Variants in CSMD1 observed in about 807,000 individuals in gnomAD.
The protein encoded by CSMD1 is CUB and sushi domain-containing protein 1.
Under a neutral mutation model 417.5 loss-of-function variants are expected in CSMD1, and 213 were observed. The observed-to-expected ratio is 0.51, with a 90% CI of 0.46 to 0.57. The LOEUF is 0.57. Among genes scored for constraint, CSMD1 ranks in the 20% least tolerant of loss-of-function variants. The probability of loss-of-function intolerance (pLI) is 0.00; values close to 1 mark genes in which losing one functional copy is unlikely to be tolerated. For synonymous variants in CSMD1, 2,862 were observed against 1,736.8 expected (o/e 1.65, Z -16.11); for missense variants, 6,923 against 4,529.7 (o/e 1.53, Z -15.17).
chr8:4,306,958 G>C (rs1328011981), intron 3 of CSMD1, among the ~76,000 whole-genome samples: 2 of 152,050 alleles, frequency 1.3e-5, no homozygotes, highest in Non-Finnish European at 2.9e-5. Flanking sequence ...CTACCCCCAA[G>C]CATCTCTCAG....
chr8:3,727,872 A>C (rs142201747), intron 6 of CSMD1, among the ~76,000 whole-genome samples: 32 of 152,304 alleles, frequency 2.1e-4, no homozygotes, highest in African/African-American at 6.0e-4. Flanking sequence ...AAAAGGACAA[A>C]TACTGTATGA....
Position 4,176,976 on chromosome 8 carries a change from A to T in CSMD1, c.416-144877T>A, listed in dbSNP as rs370011564. 2.1e-3 allele frequency among the ~76,000 whole-genome samples: 320 copies of T among 151,830 alleles called. 1 individual carries two copies. The highest frequency in any genetic ancestry group is 3.3e-3 in the Non-Finnish European group (224 of 67,948). On this transcript the variant is annotated intron_variant, in intron 3 of 69. Coordinates refer to ENST00000635120, the MANE Select transcript of CSMD1 (RefSeq NM_033225.6). Reference sequence around the variant, plus strand: ...AGAGACTTAGACTCCCACACAATAAAAATGGGAGACTTTAACACCCCACTG... The same window carrying T: ...AGAGACTTAGACTCCCACACAATAATAATGGGAGACTTTAACACCCCACTG...
At chr8:3,513,457 C>G (rs577611438) in intron 10 of CSMD1, among the ~76,000 whole-genome samples, 2 of 152,066 alleles carry the variant, frequency 1.3e-5, no homozygotes, top group South Asian at 4.2e-4. Context: ...TCCTGAATAG[C>G]TGGGATTACA....
At chr8:4,991,905 A>T (rs971167483) in intron 1 of CSMD1, among the ~76,000 whole-genome samples, 46 of 152,086 alleles carry the variant, frequency 3.0e-4, no homozygotes, top group African/African-American at 1.1e-3. Flanking sequence ...GGGTTAATGA[A>T]GGAGCTCCAC....
At chr8:3,061,252 C>T (rs977644295) in intron 49 of CSMD1, among the ~76,000 whole-genome samples, 3 of 152,054 alleles carry the variant, frequency 2.0e-5, no homozygotes, top group Non-Finnish European at 4.4e-5. Context: ...GTACAGTTTA[C>T]AAAGCAAAAC....
At chr8:3,511,792 C>G (rs1243094684) in intron 10 of CSMD1, among the ~76,000 whole-genome samples, 2 of 149,996 alleles carry the variant, frequency 1.3e-5, no homozygotes, top group African/African-American at 4.9e-5. Flanking sequence ...CATAACATAA[C>G]ATAACATAAC....
intron 5 of CSMD1, among the ~76,000 whole-genome samples, chr8:3,922,688 T>G (rs914251339): frequency 1.3e-5 from 2 of 152,200 alleles, no homozygotes; most frequent in Non-Finnish European, 2.9e-5. Flanking sequence ...CAAATCTGTA[T>G]TTTATGTTGT....
chr8:3,913,847 A>T (rs889087075), intron 5 of CSMD1, among the ~76,000 whole-genome samples: 2 of 152,076 alleles, frequency 1.3e-5, no homozygotes, highest in African/African-American at 4.8e-5. Context: ...AATCACCTTG[A>T]CTTTCCTGTG....
intron 5 of CSMD1, among the ~76,000 whole-genome samples, chr8:3,966,491 G>C (rs969250363): frequency 6.6e-6 from 1 of 151,814 alleles, no homozygotes; most frequent in African/African-American, 2.4e-5. Flanking sequence ...TTTATTTATT[G>C]GGAGAAACAG....
rs1585118642 is a variant in CSMD1 at position 3,408,151 on chromosome 8, T to A, written c.1819A>T (p.Asn607Tyr). ...SPNYPEEYGN[N>Y]MNCVWLIISE... ...ATAATCAACCAGACACAGTTCATGT[T>A]GTTCCCATATTCCTCTGGATAATTT... The change falls in exon 14 of 70, where the codon AAC (asparagine) becomes TAC (tyrosine). Residue 607 changes from asparagine (N) to tyrosine (Y), a missense_variant. By Grantham distance (143) the Asn-to-Tyr change is moderately radical. Transcript: ENST00000635120. 4 of 1,613,542 alleles carry A rather than the reference T, an allele frequency of 2.5e-6. No individual in the cohort carries two copies. In the East Asian group the frequency reaches 8.9e-5, roughly 36 times the overall value.
At chr8:3,421,720 C>T (rs765669336) in intron 12 of CSMD1, among the ~76,000 whole-genome samples, 11 of 152,194 alleles carry the variant, frequency 7.2e-5, no homozygotes, top group Non-Finnish European at 1.5e-4. Context: ...TCGCTACAAC[C>T]TCCACCTCCC....
chr8:4,479,936 A>G (rs1472535507), intron 2 of CSMD1, among the ~76,000 whole-genome samples: 2 of 151,142 alleles, frequency 1.3e-5, no homozygotes, highest in Non-Finnish European at 2.9e-5. Flanking sequence ...ACTGCATTCC[A>G]GCCTGGGTGA....
At chr8:3,104,589 C>G (rs1253463241) in intron 46 of CSMD1, among the ~76,000 whole-genome samples, 2 of 152,076 alleles carry the variant, frequency 1.3e-5, no homozygotes, top group Non-Finnish European at 2.9e-5. Context: ...TAATTCATTC[C>G]AAAATGTATG....
At chr8:3,725,881 T>A (rs1802464282) in intron 6 of CSMD1, among the ~76,000 whole-genome samples, 5 of 152,146 alleles carry the variant, frequency 3.3e-5, no homozygotes. Context: ...TTATTAAACA[T>A]GCCCTTGAAA....
intron 3 of CSMD1, among the ~76,000 whole-genome samples, chr8:4,382,466 C>G (rs912358869): frequency 2.6e-5 from 4 of 152,068 alleles, no homozygotes; most frequent in Non-Finnish European, 5.9e-5. Flanking sequence ...TAATATAGAC[C>G]ATTAACTCTA....
chr8:4,509,581 G>A (rs973463037), intron 2 of CSMD1, among the ~76,000 whole-genome samples: 1 of 152,142 alleles, frequency 6.6e-6, no homozygotes. Flanking sequence ...CAGTCCTGCA[G>A]AGCGAAAGCA....
intron 38 of CSMD1, among the ~76,000 whole-genome samples, chr8:3,160,949 A>T (rs769273485): frequency 1.7e-4 from 26 of 152,348 alleles, no homozygotes; most frequent in Non-Finnish European, 3.5e-4. Context: ...AATTCCACAC[A>T]GTGCTGTTAT....
At chr8:4,177,619 CA>C (rs1190679157) in intron 3 of CSMD1, among the ~76,000 whole-genome samples, 3 of 147,958 alleles carry the variant, frequency 2.0e-5, no homozygotes, top group Non-Finnish European at 4.5e-5. Context: ...AATAACCCTT[CA>C]AAAAATTAAT....
At chr8:3,880,137 G>T (rs1393145742) in intron 5 of CSMD1, among the ~76,000 whole-genome samples, 1 of 152,020 alleles carries the variant, frequency 6.6e-6, no homozygotes, top group African/African-American at 2.4e-5. Context: ...TACTGTGACT[G>T]CTAGTACCTT....
Sources: gnomAD v4.1 joint callset for allele counts (sites outside exome capture counted in the v4.1 genomes callset) on GRCh38, gnomAD v4.1.1 for gene constraint, MANE v1.5 for transcripts, NCBI Gene and HGNC (gene_info 2026-07-23, HGNC 2026-07-21) for gene names.